CACNA1S: variants seen among roughly 807,000 people sequenced by gnomAD.
CACNA1S encodes calcium voltage-gated channel subunit alpha1 S, also known as voltage-dependent L-type calcium channel subunit alpha-1S.
A neutral mutation model predicts 207.4 loss-of-function variants in CACNA1S; 126 were observed. The observed-to-expected ratio is 0.61, with a 90% CI of 0.53 to 0.70. The LOEUF (loss-of-function observed/expected upper bound fraction) is 0.70, where lower values mean the gene tolerates loss of function less well. Ranked by LOEUF, CACNA1S falls within the 30% of genes least tolerant of loss-of-function variation. The pLI, the probability that CACNA1S is intolerant of heterozygous loss-of-function variation, is 0.00. For missense variants in CACNA1S, 2,349 were observed against 2,422.8 expected (o/e 0.97, Z 0.64); for synonymous variants, 960 against 932.7 (o/e 1.03, Z -0.53).
chr1:201,047,210 C>T lies in CACNA1S; in HGVS notation c.4573G>A (p.Ala1525Thr), dbSNP rs760097708. 1.1e-5 allele frequency: 17 copies of T among 1,614,130 alleles called. No individual in the cohort carries two copies. The highest frequency in any genetic ancestry group is 1.4e-5 in the Non-Finnish European group (16 of 1,180,014). ...DDEVTVGKFY[A>T]TFLIQEHFRK... The stretch of plus-strand genomic sequence containing the variant: ...AAGTGCTCCTGGATGAGGAATGTGG[C>T]GTAGAACTTCCCCACTGTCACCTCA... The change falls in exon 38 of 44, where the codon GCC becomes ACC. Residue 1525 changes from alanine to threonine, a missense_variant. By Grantham distance (58) the Ala-to-Thr change is moderately conservative. Coordinates refer to ENST00000362061, the MANE Select transcript of CACNA1S (RefSeq NM_000069.3).
rs566193207 is a variant in CACNA1S, at chr1:201,043,283, G to A, written c.5046C>T (p.Ser1682=). ...NSNHSNSHVF[S]SVHYEREFPE... Reference sequence around the variant, plus strand: ...GGGATGGCAGTGGCCGCCACTACCTGGAAAACACATGGCTGTTGCTATGGT... The same window carrying A: ...GGGATGGCAGTGGCCGCCACTACCTAGAAAACACATGGCTGTTGCTATGGT... Residue 1682 remains serine (S), a splice_region_variant and synonymous_variant, in exon 40 of 44, where the codon TCC becomes TCT. Transcript: ENST00000362061. 2 of 1,614,134 alleles carry A rather than the reference G, an allele frequency of 1.2e-6. No individual in the cohort carries two copies. Among genetic ancestry groups the A allele is most frequent in the African/African-American group, 1.3e-5 (1 of 75,028 alleles).
chr1:201,066,398 T>C lies in CACNA1S; in HGVS notation c.2658-82A>G. Reference sequence around the variant, plus strand: ...TGCGGTGGAGCCTCCAGCCATATCCTGCCCTCCACACCAGCTGCCTTTCTG... The same window carrying C: ...TGCGGTGGAGCCTCCAGCCATATCCCGCCCTCCACACCAGCTGCCTTTCTG... On this transcript the variant is annotated intron_variant, in intron 20 of 43. Coordinates refer to ENST00000362061, the MANE Select transcript of CACNA1S (RefSeq NM_000069.3). This position sits in a 1 kb window ranked among gnomAD's most constrained non-coding sequence, Gnocchi z 4.3. The C allele has an allele frequency of 1.7e-6, 2 of 1,162,392 alleles. No homozygotes were observed. Among genetic ancestry groups the C allele is most frequent in the South Asian group, 2.4e-5 (2 of 82,408 alleles). The allele number at this position is 1,162,392 out of a possible 1,614,324, so 72.0% of individuals were successfully genotyped here.
rs919423482 is a variant in CACNA1S, at chr1:201,043,448, G to T, written c.4881C>A (p.Pro1627=). Residue 1627 remains proline (P), a synonymous_variant, in exon 40 of 44, where the codon CCC becomes CCA. Transcript: ENST00000362061. ...CCATCTCTATCTCAGCAAACTGGAG[G>T]GGTCTCTGATTGGCCATGACGGGGG... The part of the protein sequence containing the change: ...SLPPVMANQR[P]LQFAEIEMEE... 3.7e-6 allele frequency: 6 copies of T among 1,614,078 alleles called. No individual in the cohort carries two copies. Among genetic ancestry groups the T allele is most frequent in the Non-Finnish European group, 5.1e-6 (6 of 1,180,014 alleles).
chr1:201,089,276 C>G lies in CACNA1S; in HGVS notation c.882G>C (p.Trp294Cys). ...GACCCACCCAGTAAAGGACGTCAGT[C>G]CATCCCTCCATGGTAATGCACTGGT... ...TVYQCITMEG[W>C]TDVLYWVNDA... Residue 294 changes from tryptophan (W) to cysteine (C), a missense_variant, in exon 6 of 44, where the codon TGG (tryptophan) becomes TGC (cysteine). Transcript: ENST00000362061. The G allele has an allele frequency of 6.2e-7, 1 of 1,614,222 alleles. No homozygotes were observed. The highest frequency in any genetic ancestry group is 8.5e-7 in the Non-Finnish European group (1 of 1,180,006).
rs369813191 is a variant in CACNA1S, at chr1:201,069,467, G to A, written c.2490+5C>T. The A allele has an allele frequency of 7.9e-5, 127 of 1,605,782 alleles. 3 individuals carry two copies. Among genetic ancestry groups the A allele is most frequent in the African/African-American group, 5.5e-4 (41 of 75,012 alleles). ...CTGAGTGGCAGAGAGGGTGAAGCCC[G>A]TCACCTGATTTCTCATGGAATCAGC... On this transcript the variant is annotated splice_donor_5th_base_variant and intron_variant, in intron 18 of 43. Coordinates refer to ENST00000362061, the MANE Select transcript of CACNA1S (RefSeq NM_000069.3).
rs1400078923 is a variant in CACNA1S at position 201,085,046 on chromosome 1, G to T, written c.1151-15C>A. 9 of 1,598,434 alleles carry T rather than the reference G, an allele frequency of 5.6e-6. No individual in the cohort carries two copies. The highest frequency in any genetic ancestry group is 6.0e-6 in the Non-Finnish European group (7 of 1,171,810). ...AGACAGTTTTCCTGGAGACAGGAGA[G>T]AAAGAGTCAGCCAGCCTTCGGGGCC... On this transcript the variant is annotated splice_polypyrimidine_tract_variant and intron_variant, in intron 8 of 43. Coordinates refer to ENST00000362061, the MANE Select transcript of CACNA1S (RefSeq NM_000069.3).
intron 15 of CACNA1S, 62 bp from the exon 16 acceptor site, chr1:201,072,886 G>T: frequency 2.4e-6 from 3 of 1,235,678 alleles, no homozygotes; most frequent in Non-Finnish European, 3.6e-6. Context: ...CCCTCAATGA[G>T]CATATACTGG....
chr1:201,060,565 G>C, intron 26 of CACNA1S, 93 bp downstream of exon 26: 1 of 1,341,976 alleles, frequency 7.5e-7, no homozygotes, highest in South Asian at 1.2e-5. Context: ...TGTCTACTGG[G>C]GGGAATCCTG....
Position 201,069,508 on chromosome 1 carries a change from C to A in CACNA1S, c.2454G>T (p.Ala818=), listed in dbSNP as rs141619541. ...TGGAATCAGCCCGGATGGGGTCTTC[C>A]GCAGCCAGTGCAGCGCTGCTGAGCA... ...FILLSSAALA[A]EDPIRADSMR... The change falls in exon 18 of 44, where the codon GCG becomes GCT. Residue 818 remains alanine, a synonymous_variant. Transcript: ENST00000362061. 7.3e-5 allele frequency: 117 copies of A among 1,598,726 alleles called. No homozygotes were observed. The East Asian group carries it at 2.5e-3, about 34-fold the overall frequency.
At chr1:201,092,234 G>T in intron 3 of CACNA1S, 120 bp from the exon 4 acceptor site, 1 of 963,038 alleles carries the variant, frequency 1.0e-6, no homozygotes, top group South Asian at 1.4e-5. Flanking sequence ...GGGGAGAGAC[G>T]GCAAATACGG....
At chr1:201,045,415 T>G (rs1327873976) in intron 38 of CACNA1S, among the ~76,000 whole-genome samples, 1 of 152,132 alleles carries the variant, frequency 6.6e-6, no homozygotes, top group Non-Finnish European at 1.5e-5. Context: ...CAAATGAAAT[T>G]TGAATGGGGT....
chr1:201,047,068 C>A, intron 38 of CACNA1S, 47 bp downstream of exon 38: 1 of 1,613,566 alleles, frequency 6.2e-7, no homozygotes, highest in Non-Finnish European at 8.5e-7. Context: ...GTCTGGAGAC[C>A]TGGCTCAGTG....
In CACNA1S at chr1:201,067,551, C is replaced by T. The variant is rs16847630; in HGVS notation, c.2551-558G>A. Among the ~76,000 whole-genome samples the T allele has an allele frequency of 3.3e-3, 498 of 152,296 alleles. 3 individuals are homozygous for T. The highest frequency in any genetic ancestry group is 0.011 in the African/African-American group (455 of 41,558). On this transcript the variant is annotated intron_variant, in intron 19 of 43. Transcript: ENST00000362061. The stretch of plus-strand genomic sequence containing the variant: ...CCCTTAAAATCGAACAGGGTTGAAA[C>T]CTTTCCCAGCATTCAGGGACCTATA...
At position 201,053,494 on chromosome 1, in the gene CACNA1S, G is replaced by C. The variant is rs200034567; in HGVS notation, c.3760C>G (p.Arg1254Gly). 1.5e-4 allele frequency: 246 copies of C among 1,614,148 alleles called. No individual in the cohort carries two copies. The highest frequency in any genetic ancestry group is 1.9e-4 in the Non-Finnish European group (230 of 1,180,004). Residue 1254 changes from arginine to glycine, a missense_variant, in exon 30 of 44, where the codon CGA (arginine) becomes GGA (glycine). Physicochemically the swap from Arg to Gly is moderately radical, Grantham distance 125. Transcript: ENST00000362061. The surrounding 1 kb of genome is among the most constrained non-coding windows in gnomAD (Gnocchi z 5.1). ...TTGATGAACGTCCACAGGAGGGTTC[G>C]CACTCCTTCTGCCCGGCTCAGCAGC... ...IKLLSRAEGV[R>G]TLLWTFIKSF...
rs150590855 is a variant in CACNA1S at position 201,078,005 on chromosome 1, C to T, written c.1493G>A (p.Arg498His). 2.8e-4 allele frequency: 451 copies of T among 1,614,168 alleles called. 1 individual carries two copies. The highest frequency in any genetic ancestry group is 2.0e-3 in the Middle Eastern group (12 of 6,062). Residue 498 changes from arginine to histidine, a missense_variant, in exon 11 of 44, where the codon CGC (arginine) becomes CAC (histidine). Arg to His is a conservative substitution (Grantham distance 29). Transcript: ENST00000362061. ...GCTACACACCACGAAGCAGTCGAAG[C>T]GGTTGAAGATAGACATGAAGTACTG... ...LRQYFMSIFN[R>H]FDCFVVCSGI...
intron 5 of CACNA1S, 27 bp from the exon 6 acceptor site, chr1:201,089,490 C>G: frequency 1.2e-6 from 2 of 1,608,750 alleles, no homozygotes; most frequent in Non-Finnish European, 1.7e-6. Context: ...AAGGGAACAT[C>G]AGACAACAGT....
chr1:201,041,551 GTC>G lies in CACNA1S; in HGVS notation c.5085_5086del (p.Glu1695AspfsTer57). On this transcript the variant is annotated frameshift_variant, in exon 41 of 44. Coordinates refer to ENST00000362061, the MANE Select transcript of CACNA1S (RefSeq NM_000069.3). LOFTEE classifies it high-confidence loss of function. Reference sequence around the variant, plus strand: ...AAGGGCTCGTCCTCTGGTAGCAGGCGTCTCTGTCTCTTCTGGGAACTCCCTTT... The same window carrying G: ...AAGGGCTCGTCCTCTGGTAGCAGGCGTCTGTCTCTTCTGGGAACTCCCTTT... 2 of 1,614,158 alleles carry G rather than the reference GTC, an allele frequency of 1.2e-6. No individual in the cohort carries two copies. Among genetic ancestry groups the G allele is most frequent in the Non-Finnish European group, 1.7e-6 (2 of 1,179,974 alleles).
intron 26 of CACNA1S, among the ~76,000 whole-genome samples, chr1:201,059,653 G>T (rs1022605122): frequency 6.6e-6 from 1 of 152,214 alleles, no homozygotes; most frequent in African/African-American, 2.4e-5. Context: ...TCCAGGCAGG[G>T]CTCTGTAACA....
intron 19 of CACNA1S, 64 bp from the exon 20 acceptor site, chr1:201,067,057 C>A: frequency 9.2e-7 from 1 of 1,084,940 alleles, no homozygotes; most frequent in South Asian, 1.3e-5. Context: ...CTCCCACAGA[C>A]AAGGGCTTCT....
Sources: allele counts gnomAD v4.1 joint callset (sites outside exome capture counted in the v4.1 genomes callset), GRCh38; gene constraint gnomAD v4.1.1; non-coding constraint Gnocchi (gnomAD v3.1); transcripts MANE v1.5; gene names NCBI Gene and HGNC (gene_info 2026-07-23, HGNC 2026-07-21).